Variants in ANKRD44 observed in about 807,000 individuals in gnomAD.
ANKRD44 encodes the protein ankyrin repeat domain 44.
Under a neutral mutation model 116.0 loss-of-function variants are expected in ANKRD44, and 35 were observed. That is an observed-to-expected ratio of 0.30 (90% confidence interval 0.23 to 0.40). The LOEUF is 0.40. Among genes scored for constraint, ANKRD44 ranks in the 10% least tolerant of loss-of-function variants. ANKRD44 has a pLI of 1.00. For missense variants in ANKRD44, 1,014 were observed against 1,242.6 expected (o/e 0.82, Z 2.77); for synonymous variants, 435 against 461.8 (o/e 0.94, Z 0.74).
chr2:197,254,316 G>A (rs1302463959), intron 1 of ANKRD44, among the ~76,000 whole-genome samples: 7 of 152,060 alleles, frequency 4.6e-5, no homozygotes, highest in Admixed American at 2.6e-4. Context: ...CCTGGGAGGC[G>A]GAGGCTGCAG....
chr2:197,025,119 T>C (rs1345378260), intron 17 of ANKRD44, 77 bp downstream of exon 17: 12 of 1,429,424 alleles, frequency 8.4e-6, no homozygotes, highest in African/African-American at 1.4e-5. Flanking sequence ...TACATTTACA[T>C]TTTAAGAGCA....
chr2:197,243,602 C>T (rs536116616), intron 1 of ANKRD44, among the ~76,000 whole-genome samples: 9 of 152,178 alleles, frequency 5.9e-5, no homozygotes, highest in Non-Finnish European at 1.0e-4. Context: ...AACTTATAAA[C>T]AACAGAGATT....
intron 2 of ANKRD44, among the ~76,000 whole-genome samples, chr2:197,184,384 G>A (rs1296305683): frequency 6.6e-6 from 1 of 152,144 alleles, no homozygotes; most frequent in African/African-American, 2.4e-5. Context: ...GCTCACGCCT[G>A]TAATCTCAGC....
At chr2:197,298,432 A>T (rs1163651928) in intron 1 of ANKRD44, among the ~76,000 whole-genome samples, 1 of 152,210 alleles carries the variant, frequency 6.6e-6, no homozygotes, top group East Asian at 1.9e-4. Flanking sequence ...CTAGCTCAGA[A>T]GCATATTTCC....
At chr2:196,999,842 C>G (rs2076082824) in intron 23 of ANKRD44, among the ~76,000 whole-genome samples, 1 of 152,134 alleles carries the variant, frequency 6.6e-6, no homozygotes, top group Non-Finnish European at 1.5e-5. Context: ...ATCCACCCGC[C>G]TCGGCCTCCC....
intron 1 of ANKRD44, chr2:197,301,308 T>C (rs1283632611): frequency 6.6e-6 from 1 of 152,216 alleles, no homozygotes; most frequent in Non-Finnish European, 1.5e-5. Context: ...GCTATGTAGA[T>C]GGAGCTCATT....
intron 27 of ANKRD44, among the ~76,000 whole-genome samples, chr2:196,991,347 C>A (rs1248630002): frequency 6.6e-6 from 1 of 152,126 alleles, no homozygotes; most frequent in African/African-American, 2.4e-5. Context: ...GAGAAGGACT[C>A]TCATTCTGAG....
chr2:197,125,606 T>C, intron 5 of ANKRD44, 138 bp from the exon 6 acceptor site: 1 of 926,926 alleles, frequency 1.1e-6, no homozygotes. Context: ...AAAGTAGAAA[T>C]ATGATGTCAG....
At chr2:197,217,077 A>G (rs1310186448) in intron 1 of ANKRD44, among the ~76,000 whole-genome samples, 1 of 152,194 alleles carries the variant, frequency 6.6e-6, no homozygotes, top group African/African-American at 2.4e-5. Flanking sequence ...TTTTCTCATC[A>G]CTGTTTGCCA....
At chr2:196,979,554 C>CCTTT (rs2075785197) in intron 21 of ANKRD44, among the ~76,000 whole-genome samples, 1 of 59,644 alleles carries the variant, frequency 1.7e-5, no homozygotes, top group African/African-American at 6.4e-5. Flanking sequence ...AATAAGATGA[C>CCTTT]TTTTTTTTTT....
At chr2:197,062,544 C>G (rs1179143793) in intron 16 of ANKRD44, among the ~76,000 whole-genome samples, 1 of 152,234 alleles carries the variant, frequency 6.6e-6, no homozygotes. Flanking sequence ...ATCGCCTCAC[C>G]CGGGAAGCGC....
intron 27 of ANKRD44, chr2:196,990,629 T>A (rs1207438386): frequency 8.1e-7 from 1 of 1,231,810 alleles, no homozygotes; most frequent in African/African-American, 1.6e-5. Context: ...TTCAAGCTTC[T>A]TTCCTTTCCT....
At chr2:197,063,609 T>A (rs1282963238) in intron 16 of ANKRD44, among the ~76,000 whole-genome samples, 1 of 152,120 alleles carries the variant, frequency 6.6e-6, no homozygotes, top group Non-Finnish European at 1.5e-5. Context: ...AGTCTTTAAA[T>A]GACCTGATGG....
At chr2:197,098,868 G>A (rs1280964966) in intron 10 of ANKRD44, among the ~76,000 whole-genome samples, 2 of 152,146 alleles carry the variant, frequency 1.3e-5, no homozygotes, top group Admixed American at 1.3e-4. Flanking sequence ...AAGGGAAGCA[G>A]CTTGGATTGG....
intron 25 of ANKRD44, among the ~76,000 whole-genome samples, chr2:196,996,848 G>A (rs998341834): frequency 6.7e-6 from 1 of 150,218 alleles, no homozygotes; most frequent in Admixed American, 6.6e-5. Context: ...AGGTTGCAGT[G>A]GGCCAAGATT....
At chr2:197,044,240 A>T (rs1182497853) in intron 16 of ANKRD44, among the ~76,000 whole-genome samples, 1 of 152,238 alleles carries the variant, frequency 6.6e-6, no homozygotes, top group Non-Finnish European at 1.5e-5. Flanking sequence ...TAAATGGTTG[A>T]TAAACAGAGT....
At chr2:197,156,906 T>G (rs1345873328) in intron 2 of ANKRD44, among the ~76,000 whole-genome samples, 1 of 151,878 alleles carries the variant, frequency 6.6e-6, no homozygotes, top group Non-Finnish European at 1.5e-5. Flanking sequence ...TAATACACAG[T>G]GACAGAAAGC....
chr2:197,111,340 C>A lies in ANKRD44; in HGVS notation c.907-496G>T, dbSNP rs559820058. 1.2e-3 allele frequency among the ~76,000 whole-genome samples: 180 copies of A among 152,210 alleles called. 1 individual carries two copies. Among genetic ancestry groups the A allele is most frequent in the African/African-American group, 4.2e-3 (176 of 41,526 alleles). ...CTGACCAAATGGCTCTGAATCACTGCAACTCTTAAAACTGACCTGAGGCCG... is the reference window on the plus strand; with the variant it reads ...CTGACCAAATGGCTCTGAATCACTGAAACTCTTAAAACTGACCTGAGGCCG... On this transcript the variant is annotated intron_variant, in intron 8 of 27. Transcript: ENST00000282272.
chr2:197,296,393 T>A (rs1039463651), intron 1 of ANKRD44: 2 of 152,146 alleles, frequency 1.3e-5, no homozygotes, highest in African/African-American at 4.8e-5. Flanking sequence ...CTTTTGTTAG[T>A]CCAATCCTAG....
Sources: gnomAD v4.1 joint callset for allele counts (sites outside exome capture counted in the v4.1 genomes callset) on GRCh38, gnomAD v4.1.1 for gene constraint, MANE v1.5 for transcripts, NCBI Gene and HGNC (gene_info 2026-07-23, HGNC 2026-07-21) for gene names.